Variants in WDR49 observed in about 807,000 individuals in gnomAD.
WDR49 encodes the protein WD repeat domain 49, also known as cilia- and flagella-associated protein 337.
Under a neutral mutation model 119.5 loss-of-function variants are expected in WDR49, and 107 were observed. The observed-to-expected ratio is 0.90, with a 90% CI of 0.77 to 1.05. The LOEUF (loss-of-function observed/expected upper bound fraction) is 1.05, where lower values mean the gene tolerates loss of function less well. WDR49 is among the 50% of genes least tolerant of loss of function. The pLI is 0.00. For synonymous variants in WDR49, 425 were observed against 418.8 expected (o/e 1.01, Z -0.18); for missense variants, 1,240 against 1,220.5 (o/e 1.02, Z -0.24).
intron 10 of WDR49, 41 bp from the exon 11 acceptor site, chr3:167,537,041 T>C: frequency 1.3e-6 from 2 of 1,528,386 alleles, no homozygotes; most frequent in Admixed American, 2.0e-5. Flanking sequence ...GATCTAAAAT[T>C]GATGTAGACA....
rs545891666 is a variant in WDR49, at chr3:167,567,528, C to T, written c.1510-7300G>A. On this transcript the variant is annotated intron_variant, in intron 8 of 18. Transcript: ENST00000682715. Reference sequence around the variant, plus strand: ...TTATTGTTTCAGGTTTGAGGGCTCTCATGACTTTTTCTATAACAATGATGG... The same window carrying T: ...TTATTGTTTCAGGTTTGAGGGCTCTTATGACTTTTTCTATAACAATGATGG... 5.3e-5 allele frequency among the ~76,000 whole-genome samples: 8 copies of T among 152,330 alleles called. No individual in the cohort carries two copies. In the East Asian group the frequency reaches 1.4e-3, roughly 26 times the overall value.
At chr3:167,644,241 G>A (rs1718015343) in intron 2 of WDR49, among the ~76,000 whole-genome samples, 1 of 151,954 alleles carries the variant, frequency 6.6e-6, no homozygotes, top group African/African-American at 2.4e-5. Flanking sequence ...AGCATTACTA[G>A]ACATACATTT....
intron 5 of WDR49, among the ~76,000 whole-genome samples, chr3:167,617,386 G>A (rs896520472): frequency 2.0e-5 from 3 of 152,032 alleles, no homozygotes; most frequent in African/African-American, 4.8e-5. Flanking sequence ...AATTAGCCGG[G>A]CATGGTGGCA....
intron 8 of WDR49, among the ~76,000 whole-genome samples, chr3:167,570,769 G>T (rs1164367981): frequency 3.9e-5 from 6 of 152,196 alleles, no homozygotes; most frequent in African/African-American, 1.4e-4. Context: ...CGGATGCAGT[G>T]GCTCACGCCT....
Position 167,529,221 on chromosome 3 carries a change from G to C in WDR49, c.2237C>G (p.Ser746Ter), listed in dbSNP as rs1413073203. The change falls in exon 14 of 19, where the codon TCA (serine) becomes TGA (stop). Residue 746 changes from serine to a stop codon, truncating the protein, a stop_gained. Transcript: ENST00000682715. LOFTEE classifies it high-confidence loss of function. ...TAVTGGANLV[S>*]CGGSGYVRFW... The stretch of plus-strand genomic sequence containing the variant: ...TCTGACATAACCAGATCCTCCACAT[G>C]ATACCAGGTTAGCTCCTCCTAACAT... The C allele has an allele frequency of 1.9e-6, 3 of 1,598,522 alleles. No homozygotes were observed. In the African/African-American group the frequency reaches 4.1e-5, roughly 22 times the overall value.
chr3:167,584,706 A>T (rs1714717526), intron 7 of WDR49, among the ~76,000 whole-genome samples: 1 of 152,004 alleles, frequency 6.6e-6, no homozygotes, highest in African/African-American at 2.4e-5. Flanking sequence ...TCCAAAAAAT[A>T]ACCTTAGGCA....
chr3:167,518,068 A>AT, intron 16 of WDR49, among the ~76,000 whole-genome samples: 1 of 152,178 alleles, frequency 6.6e-6, no homozygotes, highest in Middle Eastern at 3.4e-3. Context: ...TGAACTCATC[A>AT]TTTTTTATGG....
intron 2 of WDR49, among the ~76,000 whole-genome samples, chr3:167,642,804 T>A (rs1717943748): frequency 6.6e-6 from 1 of 151,944 alleles, no homozygotes; most frequent in African/African-American, 2.4e-5. Flanking sequence ...TGAAAATATG[T>A]TAAAAGGATA....
chr3:167,541,836 T>C (rs993816187), intron 10 of WDR49, among the ~76,000 whole-genome samples: 3 of 151,816 alleles, frequency 2.0e-5, no homozygotes, highest in Non-Finnish European at 4.4e-5. Flanking sequence ...CTCATAAACT[T>C]AAGGTAAAGG....
chr3:167,573,069 C>A (rs1208118641), intron 8 of WDR49, among the ~76,000 whole-genome samples: 1 of 152,108 alleles, frequency 6.6e-6, no homozygotes, highest in African/African-American at 2.4e-5. Context: ...TGTCATAAAG[C>A]AGCAACATTC....
intron 2 of WDR49, among the ~76,000 whole-genome samples, chr3:167,627,901 T>C (rs1038963443): frequency 2.0e-5 from 3 of 152,114 alleles, no homozygotes; most frequent in Non-Finnish European, 2.9e-5. Context: ...TGCAAGTCTA[T>C]CAGTGCCATT....
At chr3:167,579,565 C>A (rs934896564) in intron 7 of WDR49, among the ~76,000 whole-genome samples, 1 of 152,122 alleles carries the variant, frequency 6.6e-6, no homozygotes, top group East Asian at 1.9e-4. Context: ...CATCACCAAA[C>A]CCTCTGACCC....
At chr3:167,617,114 A>G (rs1716633386) in intron 5 of WDR49, among the ~76,000 whole-genome samples, 1 of 152,216 alleles carries the variant, frequency 6.6e-6, no homozygotes, top group Non-Finnish European at 1.5e-5. Flanking sequence ...AACCTTGCAA[A>G]TAATGCAATG....
intron 7 of WDR49, among the ~76,000 whole-genome samples, chr3:167,592,936 G>A (rs1395741214): frequency 6.6e-6 from 1 of 151,968 alleles, no homozygotes; most frequent in Non-Finnish European, 1.5e-5. Flanking sequence ...TTCTCTCCTG[G>A]CCTGTAAGAT....
chr3:167,627,437 A>C (rs1027003026), intron 2 of WDR49, 145 bp from the exon 3 acceptor site: 3 of 712,382 alleles, frequency 4.2e-6, no homozygotes, highest in Non-Finnish European at 5.8e-6. Context: ...TAACAGTAAT[A>C]TACTCAAGTG....
rs373311084 is a variant in WDR49, at chr3:167,599,112, T to A, written c.1275+3015A>T. ...GCTACCACCTATGTTTTCCCACGGC[T>A]CTGGGGCTCTATGGTCAGCATGTGG... On this transcript the variant is annotated intron_variant, in intron 7 of 18. Transcript: ENST00000682715. Among the ~76,000 whole-genome samples, 7 of 152,256 alleles carry A rather than the reference T, an allele frequency of 4.6e-5. No individual in the cohort carries two copies. The East Asian group carries it at 7.8e-4, about 17-fold the overall frequency.
chr3:167,641,853 T>C (rs921340770), intron 2 of WDR49, among the ~76,000 whole-genome samples: 1 of 151,866 alleles, frequency 6.6e-6, no homozygotes, highest in Non-Finnish European at 1.5e-5. Context: ...TCAACTTATA[T>C]AGAGATACAT....
At chr3:167,607,787 C>T (rs1168619323) in intron 5 of WDR49, among the ~76,000 whole-genome samples, 1 of 152,180 alleles carries the variant, frequency 6.6e-6, no homozygotes, top group Admixed American at 6.6e-5. Context: ...TGAGTCTTCC[C>T]TTTCCTGATC....
At chr3:167,604,013 C>CA in intron 6 of WDR49, among the ~76,000 whole-genome samples, 1 of 151,946 alleles carries the variant, frequency 6.6e-6, no homozygotes, top group South Asian at 2.1e-4. Flanking sequence ...AGATGCTGCA[C>CA]AAACTGTCTT....
Sources: allele counts gnomAD v4.1 joint callset (sites outside exome capture counted in the v4.1 genomes callset), GRCh38; gene constraint gnomAD v4.1.1; transcripts MANE v1.5; gene names NCBI Gene and HGNC (gene_info 2026-07-23, HGNC 2026-07-21).